DNAJC2: variants seen among roughly 807,000 people sequenced by gnomAD.
DNAJC2 encodes DnaJ heat shock protein family (Hsp40) member C2, also known as dnaJ homolog subfamily C member 2.
In DNAJC2, 32 loss-of-function variants were observed where a neutral mutation model predicts 94.0. The ratio of observed to expected loss-of-function variants is 0.34; its 90% confidence interval spans 0.26 to 0.46. DNAJC2 has a LOEUF of 0.46. Ranked by LOEUF, DNAJC2 falls within the 20% of genes least tolerant of loss-of-function variation. DNAJC2 has a pLI of 1.00. For missense variants in DNAJC2, 550 were observed against 719.5 expected, an observed-to-expected ratio of 0.76 and a Z score of 2.69; for synonymous variants, 210 against 229.7, an observed-to-expected ratio of 0.91 and a Z score of 0.77.
chr7:103,315,465 T>C (rs1409688801), intron 15 of DNAJC2, among the ~76,000 whole-genome samples: 2 of 152,150 alleles, frequency 1.3e-5, no homozygotes, highest in Non-Finnish European at 2.9e-5. Context: ...ATCAAGCAAT[T>C]ATCCCGATAT....
chr7:103,323,450 A>G, intron 7 of DNAJC2, 148 bp downstream of exon 7: 1 of 840,290 alleles, frequency 1.2e-6, no homozygotes, highest in South Asian at 2.1e-5. Context: ...TTAACTTGTG[A>G]GAAAGGATTT....
chr7:103,324,101 G>GA (rs1296280806), intron 6 of DNAJC2, among the ~76,000 whole-genome samples: 3 of 152,120 alleles, frequency 2.0e-5, no homozygotes, highest in African/African-American at 7.2e-5. Flanking sequence ...CATTTGATGA[G>GA]AAAATGTAGC....
intron 3 of DNAJC2, among the ~76,000 whole-genome samples, chr7:103,331,773 T>C (rs1470502707): frequency 2.0e-5 from 3 of 151,986 alleles, no homozygotes; most frequent in Non-Finnish European, 4.4e-5. Context: ...CTTAGGTTGA[T>C]TCCTTATCTT....
intron 12 of DNAJC2, among the ~76,000 whole-genome samples, chr7:103,318,809 T>C (rs1280914176): frequency 1.3e-5 from 2 of 152,228 alleles, no homozygotes; most frequent in African/African-American, 2.4e-5. Context: ...TATTTTTTTC[T>C]AATATGATTT....
intron 3 of DNAJC2, among the ~76,000 whole-genome samples, chr7:103,329,736 G>A (rs1392500086): frequency 6.6e-6 from 1 of 152,046 alleles, no homozygotes; most frequent in African/African-American, 2.4e-5. Flanking sequence ...TCTTGCCCTG[G>A]GGTTATCTTT....
chr7:103,319,631 C>A lies in DNAJC2; in HGVS notation c.1220G>T (p.Gly407Val), dbSNP rs770053453. ...ETLTSCTKEV[G>V]KAALEKQIEE... Reference sequence around the variant, plus strand: ...TACCTGTTTTTCCAAAGCAGCCTTTCCTACTTCTTTTGTGCATGATGTGAG... The same window carrying A: ...TACCTGTTTTTCCAAAGCAGCCTTTACTACTTCTTTTGTGCATGATGTGAG... Residue 407 changes from glycine to valine, a missense_variant, in exon 12 of 17, where the codon GGA (glycine) becomes GTA (valine). Gly to Val is a moderately radical substitution (Grantham distance 109). Around this residue, in one of 2 missense-constraint regions of DNAJC2, gnomAD observed 271 missense variants for 302.6 expected, o/e 0.90. Coordinates refer to ENST00000379263, the MANE Select transcript of DNAJC2 (RefSeq NM_014377.3). 1 of 1,613,996 alleles carries A rather than the reference C, an allele frequency of 6.2e-7. No individual in the cohort carries two copies. The highest frequency in any genetic ancestry group is 1.3e-5 in the African/African-American group (1 of 74,890).
Position 103,312,502 on chromosome 7 carries a change from T to G in DNAJC2, c.*67A>C. The G allele has an allele frequency of 6.3e-7, 1 of 1,581,866 alleles. No homozygotes were observed. Among genetic ancestry groups the G allele is most frequent in the Non-Finnish European group, 8.6e-7 (1 of 1,167,786 alleles). ...TTTCAAATTATTACCATGAGTATAA[T>G]TTTAAGAATGAAAATGTTTACAGTA... On this transcript the variant is annotated 3_prime_UTR_variant, in exon 17 of 17. Coordinates refer to ENST00000379263, the MANE Select transcript of DNAJC2 (RefSeq NM_014377.3).
At position 103,339,998 on chromosome 7, in the gene DNAJC2, C is replaced by T. The variant is rs151038734; in HGVS notation, c.255+1766G>A. Among the ~76,000 whole-genome samples the T allele has an allele frequency of 3.8e-3, 573 of 152,282 alleles. 4 individuals carry two copies. The highest frequency in any genetic ancestry group is 0.014 in the African/African-American group (564 of 41,570). ...CGATTACAGGCATGTGCCACCACGC[C>T]TGGCTAATTTTGTATTTTTAGTAGA... On this transcript the variant is annotated intron_variant, in intron 2 of 16. Coordinates refer to ENST00000379263, the MANE Select transcript of DNAJC2 (RefSeq NM_014377.3).
intron 12 of DNAJC2, chr7:103,317,376 A>C: frequency 5.2e-6 from 1 of 190,804 alleles, no homozygotes; most frequent in East Asian, 1.3e-4. Flanking sequence ...AGACAATCTC[A>C]TTTATTCTCT....
At chr7:103,324,622 A>C (rs1298257303) in intron 5 of DNAJC2, 60 bp from the exon 6 acceptor site, 6 of 1,278,676 alleles carry the variant, frequency 4.7e-6, no homozygotes, top group Non-Finnish European at 6.2e-6. Context: ...ACAGTTCAAC[A>C]AACAATTTAA....
At chr7:103,321,200 A>G (rs555420198) in intron 10 of DNAJC2, among the ~76,000 whole-genome samples, 1 of 152,130 alleles carries the variant, frequency 6.6e-6, no homozygotes, top group South Asian at 2.1e-4. Flanking sequence ...CCTCAACAAC[A>G]ACAATAACAA....
At chr7:103,328,474 T>C (rs549565761) in intron 3 of DNAJC2, among the ~76,000 whole-genome samples, 3 of 151,722 alleles carry the variant, frequency 2.0e-5, no homozygotes, top group Non-Finnish European at 4.4e-5. Context: ...CTACTAAAAA[T>C]ACAAAAACTA....
intron 6 of DNAJC2, 127 bp downstream of exon 6, chr7:103,324,353 CAG>C (rs1454229982): frequency 8.2e-5 from 59 of 716,264 alleles, no homozygotes; most frequent in Middle Eastern, 8.1e-4. Flanking sequence ...ACATAGGTAA[CAG>C]AGTGCTTTTG....
chr7:103,313,649 G>C, intron 15 of DNAJC2: 1 of 985,414 alleles, frequency 1.0e-6, no homozygotes, highest in Non-Finnish European at 1.2e-6. Context: ...TTGTGTTGTA[G>C]TGTGGTGTTC....
chr7:103,323,577 A>G, intron 7 of DNAJC2, 21 bp downstream of exon 7: 1 of 1,442,170 alleles, frequency 6.9e-7, no homozygotes, highest in Non-Finnish European at 9.3e-7. Context: ...ACCTTCCATT[A>G]TTAATGATTT....
chr7:103,331,206 C>T (rs1249177553), intron 3 of DNAJC2, among the ~76,000 whole-genome samples: 2 of 152,204 alleles, frequency 1.3e-5, no homozygotes, highest in Non-Finnish European at 2.9e-5. Context: ...GATCCGCCTG[C>T]CTCGGCCTCC....
In DNAJC2 at chr7:103,316,978, C is replaced by T. The variant is rs751498127; in HGVS notation, c.1279G>A (p.Glu427Lys). Residue 427 changes from glutamate to lysine, a missense_variant, in exon 13 of 17, where the codon GAG becomes AAG. Physicochemically the swap from Glu to Lys is moderately conservative, Grantham distance 56. Transcript: ENST00000379263. ...TGTCGCATACGAGCCTCAGCTTCCT[C>T]TTTCTCTTTTCTGATTTGCTCATTT... ...EINEQIRKEKEEAEARMRQAS... is the reference protein window; with the variant it reads ...EINEQIRKEKKEAEARMRQAS... The T allele has an allele frequency of 1.4e-5, 23 of 1,613,734 alleles. No individual in the cohort carries two copies. The Admixed American group carries it at 3.8e-4, about 27-fold the overall frequency.
Position 103,315,853 on chromosome 7 carries a change from T to C in DNAJC2, c.1547A>G (p.Asp516Gly). The change falls in exon 15 of 17, where the codon GAC becomes GGC. Residue 516 changes from aspartate (D) to glycine (G), a missense_variant. By Grantham distance (94) the Asp-to-Gly change is moderately conservative. Around this residue, in one of 2 missense-constraint regions of DNAJC2, gnomAD observed 271 missense variants for 302.6 expected, o/e 0.90. Transcript: ENST00000379263. ...CTTATCAAATGCCTTTTTATTTATG[T>C]CATCTTTTTGATGAGGGTCTGAGAA... ...LQKLDPHQKD[D>G]INKKAFDKFK... The C allele has an allele frequency of 6.2e-7, 1 of 1,613,212 alleles. No individual in the cohort carries two copies.
intron 15 of DNAJC2, chr7:103,313,929 A>G (rs1160588704): frequency 1.8e-5 from 18 of 985,312 alleles, no homozygotes; most frequent in Non-Finnish European, 6.0e-6. Flanking sequence ...ACAGACTAAT[A>G]CTACCAGTAG....
Sources: gnomAD v4.1 joint callset for allele counts (sites outside exome capture counted in the v4.1 genomes callset) on GRCh38, gnomAD v4.1.1 for gene constraint, gnomAD v4.1.1 regional missense constraint, MANE v1.5 for transcripts, NCBI Gene and HGNC (gene_info 2026-07-23, HGNC 2026-07-21) for gene names.